Variants in CARF observed in about 807,000 individuals in gnomAD.
CARF encodes calcium responsive transcription factor.
CARF carries 57 observed loss-of-function variants against 82.0 expected under a neutral mutation model. That is an observed-to-expected ratio of 0.70 (90% CI 0.56 to 0.87). The LOEUF is 0.87. CARF is among the 40% of genes least tolerant of loss of function. CARF has a pLI of 0.00. For missense variants in CARF, 771 were observed against 855.8 expected (o/e 0.90, Z 1.24); for synonymous variants, 268 against 290.1 (o/e 0.92, Z 0.77).
intron 5 of CARF, among the ~76,000 whole-genome samples, chr2:202,944,980 C>T (rs187775767): frequency 2.0e-5 from 3 of 151,650 alleles, no homozygotes; most frequent in Admixed American, 1.3e-4. Flanking sequence ...TTTAGGTAGG[C>T]GATGACACAG....
intron 14 of CARF, among the ~76,000 whole-genome samples, chr2:202,980,662 A>G (rs894749892): frequency 1.7e-5 from 2 of 115,046 alleles, no homozygotes; most frequent in Non-Finnish European, 3.6e-5. Flanking sequence ...ATATATATAT[A>G]GTTGTGCCTC....
intron 4 of CARF, 117 bp from the exon 5 acceptor site, chr2:202,942,623 A>G (rs1341182029): frequency 4.9e-6 from 5 of 1,010,482 alleles, no homozygotes; most frequent in Non-Finnish European, 2.8e-6. Context: ...GTGTGAATTG[A>G]CAACTCTTAC....
chr2:202,961,768 T>A (rs1004116050), intron 9 of CARF: 1 of 354,060 alleles, frequency 2.8e-6, no homozygotes, highest in Admixed American at 4.4e-5. Flanking sequence ...GATTAAATAT[T>A]TTAGCCTTCT....
At chr2:202,981,779 G>T in intron 15 of CARF, 94 bp downstream of exon 15, 1 of 1,138,012 alleles carries the variant, frequency 8.8e-7, no homozygotes, top group South Asian at 1.5e-5. Context: ...AATTGTTACA[G>T]AATTATAATA....
Position 202,986,867 on chromosome 2 carries a change from CGTATATATATATATATATATATAT to C in CARF, c.*3244_*3267del, listed in dbSNP as rs1310049637. 2.6e-4 allele frequency: 15 copies of C among 56,702 alleles called. No individual in the cohort carries two copies. The East Asian group carries it at 3.7e-3, about 14-fold the overall frequency. The allele number at this position is 56,702 out of a possible 1,614,324, so 3.5% of individuals were successfully genotyped here. On this transcript the variant is annotated 3_prime_UTR_variant, in exon 17 of 17. Coordinates refer to ENST00000438828, the MANE Select transcript of CARF (RefSeq NM_024744.17). ...AAAAGAGGTTTAAAAAATGTCTGTG[CGTATATATATATATATATATATAT>C]ATATATATATATATATAGCAACTTG...
At chr2:202,964,422 G>C (rs1232653440) in intron 9 of CARF, among the ~76,000 whole-genome samples, 1 of 152,016 alleles carries the variant, frequency 6.6e-6, no homozygotes, top group Admixed American at 6.6e-5. Flanking sequence ...TGGGACTACA[G>C]GTATATGCCA....
intron 11 of CARF, 53 bp from the exon 12 acceptor site, chr2:202,971,452 T>G (rs925605087): frequency 2.8e-6 from 3 of 1,083,614 alleles, no homozygotes; most frequent in Admixed American, 4.2e-5. Context: ...CTAATAATAT[T>G]AAATAATTTT....
In CARF at chr2:202,945,294, G is replaced by GT. The variant is rs1234693026; in HGVS notation, c.306+2334dup. Among the ~76,000 whole-genome samples, 6 of 152,002 alleles carry GT rather than the reference G, an allele frequency of 3.9e-5. No individual in the cohort carries two copies. In the East Asian group the frequency reaches 9.7e-4, roughly 25 times the overall value. ...CTCCTACCAAATGGAGCTATTTGGT[G>GT]TTTTTTTGTTTTATTGTTTTTGTTT... On this transcript the variant is annotated intron_variant, in intron 5 of 16. Coordinates refer to ENST00000438828, the MANE Select transcript of CARF (RefSeq NM_024744.17).
chr2:202,919,223 A>G (rs1690333613), intron 2 of CARF, among the ~76,000 whole-genome samples: 1 of 152,228 alleles, frequency 6.6e-6, no homozygotes, highest in South Asian at 2.1e-4. Flanking sequence ...CCATCCTTAC[A>G]GAAATTTATA....
chr2:202,948,208 CTA>C (rs548800969), intron 5 of CARF, among the ~76,000 whole-genome samples: 113 of 152,220 alleles, frequency 7.4e-4, no homozygotes, highest in Middle Eastern at 3.4e-3. Context: ...TTCCATTGGT[CTA>C]TATGTCTGTT....
Position 202,961,310 on chromosome 2 carries a change from A to G in CARF, c.716A>G (p.Gln239Arg), listed in dbSNP as rs773152646. ...GAAAGTGTCCTAACATTTCACAAGC[A>G]GCAAACACAGAGTGTTTGGGGGACC... ...ELESVLTFHKQQTQSVWGTRQ... is the reference protein window; with the variant it reads ...ELESVLTFHKRQTQSVWGTRQ... The change falls in exon 9 of 17, where the codon CAG becomes CGG. Residue 239 changes from glutamine to arginine, a missense_variant. Gln to Arg is a conservative substitution (Grantham distance 43, BLOSUM62 1). Coordinates refer to ENST00000438828, the MANE Select transcript of CARF (RefSeq NM_024744.17). 1 of 1,614,132 alleles carries G rather than the reference A, an allele frequency of 6.2e-7. No individual in the cohort carries two copies. Among genetic ancestry groups the G allele is most frequent in the Non-Finnish European group, 8.5e-7 (1 of 1,179,944 alleles).
intron 2 of CARF, 136 bp downstream of exon 2, chr2:202,918,179 C>T: frequency 3.4e-6 from 1 of 295,914 alleles, no homozygotes; most frequent in South Asian, 3.0e-5. Flanking sequence ...TTGGAAAAAA[C>T]ATTTTATACT....
chr2:202,931,873 G>A (rs190678569), intron 3 of CARF, among the ~76,000 whole-genome samples: 39 of 152,300 alleles, frequency 2.6e-4, no homozygotes, highest in African/African-American at 8.7e-4. Context: ...TGGGTTCCAG[G>A]TACTGGCACA....
intron 14 of CARF, among the ~76,000 whole-genome samples, chr2:202,979,980 C>T (rs545113957): frequency 6.6e-6 from 1 of 152,070 alleles, no homozygotes; most frequent in South Asian, 2.1e-4. Context: ...TGTTTTGAGA[C>T]AGGGTTTCAC....
At chr2:202,918,098 T>C (rs1017913160) in intron 2 of CARF, 55 bp downstream of exon 2, 9 of 437,732 alleles carry the variant, frequency 2.1e-5, no homozygotes, top group African/African-American at 1.8e-4. Context: ...AGTTAACTAT[T>C]ATCTATTACA....
At chr2:202,954,281 T>C in intron 7 of CARF, 147 bp downstream of exon 7, 1 of 984,688 alleles carries the variant, frequency 1.0e-6, no homozygotes, top group Non-Finnish European at 1.4e-6. Flanking sequence ...TTTTAAGGCA[T>C]CTTGGTCATA....
chr2:202,953,979 A>G, intron 6 of CARF, 26 bp from the exon 7 acceptor site: 1 of 1,580,644 alleles, frequency 6.3e-7, no homozygotes, highest in South Asian at 1.2e-5. Flanking sequence ...TATTGATGTT[A>G]CTTTGTTCTT....
At chr2:202,966,759 A>C (rs900530062) in intron 9 of CARF, among the ~76,000 whole-genome samples, 7 of 152,154 alleles carry the variant, frequency 4.6e-5, no homozygotes, top group African/African-American at 1.7e-4. Flanking sequence ...TGTGATATTC[A>C]CTAATTTTCT....
rs1452629365 is a variant in CARF at position 202,982,124 on chromosome 2, T to C, written c.1742T>C (p.Val581Ala). 5.6e-6 allele frequency: 9 copies of C among 1,614,156 alleles called. No homozygotes were observed. The highest frequency in any genetic ancestry group is 7.6e-6 in the Non-Finnish European group (9 of 1,179,984). Residue 581 changes from valine to alanine, a missense_variant, in exon 16 of 17, where the codon GTA (valine) becomes GCA (alanine). Transcript: ENST00000438828. ...TCTCCTGATGAATCACCAGCTGTGG[T>C]ATCAGTAAATAACCAGCCGTCCTCT... ...YTSPDESPAV[V>A]SVNNQPSSSP...
Sources: gnomAD v4.1 joint callset for allele counts (sites outside exome capture counted in the v4.1 genomes callset) on GRCh38, gnomAD v4.1.1 for gene constraint, MANE v1.5 for transcripts, NCBI Gene and HGNC (gene_info 2026-07-23, HGNC 2026-07-21) for gene names.